The following SNX24 variants were observed in gnomAD, a reference collection of about 807,000 sequenced individuals.
SNX24 encodes the protein sorting nexin 24, also known as sorting nexin-24.
Under a neutral mutation model 28.7 loss-of-function variants are expected in SNX24, and 22 were observed. The observed-to-expected ratio is 0.77, with a 90% confidence interval of 0.55 to 1.10. SNX24 has a LOEUF of 1.10. SNX24 is among the 50% of genes least tolerant of loss of function. The pLI is 0.00. For missense variants in SNX24, 221 were observed against 201.1 expected, an observed-to-expected ratio of 1.10 and a Z score of -0.60; for synonymous variants, 69 against 71.5, an observed-to-expected ratio of 0.96 and a Z score of 0.18.
At position 123,023,741 on chromosome 5, in the gene SNX24, C is replaced by G. The variant is rs1436758212; in HGVS notation, n.384-5497C>G. Reference sequence around the variant, plus strand: ...TGACGGTTTGATTTTTATAACTTTCCTGTGATCTGGGATAGAATACAAAAA... The same window carrying G: ...TGACGGTTTGATTTTTATAACTTTCGTGTGATCTGGGATAGAATACAAAAA... On this transcript the variant is annotated intron_variant and non_coding_transcript_variant, in intron 5 of 5. Transcript: ENST00000502387. 5 of 1,298,720 alleles carry G rather than the reference C, an allele frequency of 3.8e-6. No homozygotes were observed. In the Admixed American group the frequency reaches 1.5e-4, roughly 39 times the overall value. The allele number at this position is 1,298,720 out of a possible 1,614,324, so 80.4% of individuals were successfully genotyped here.
chr5:123,004,604 T>C (rs1046277335), intron 6 of SNX24, among the ~76,000 whole-genome samples: 2 of 152,156 alleles, frequency 1.3e-5, no homozygotes, highest in Admixed American at 6.5e-5. Flanking sequence ...CCATCTCAAC[T>C]CTGTCCTGGG....
At chr5:122,889,717 A>G (rs1018764708) in intron 1 of SNX24, among the ~76,000 whole-genome samples, 1 of 90,408 alleles carries the variant, frequency 1.1e-5, no homozygotes, top group African/African-American at 5.4e-5. Flanking sequence ...ATGTATATAT[A>G]TATGTATGTG....
chr5:122,855,747 C>T (rs893126806), intron 1 of SNX24, among the ~76,000 whole-genome samples: 1 of 152,188 alleles, frequency 6.6e-6, no homozygotes, highest in Admixed American at 6.5e-5. Flanking sequence ...TAGATTCCAT[C>T]TCAAGAAACC....
intron 6 of SNX24, among the ~76,000 whole-genome samples, chr5:123,004,818 A>G (rs1762367748): frequency 6.6e-6 from 1 of 152,150 alleles, no homozygotes; most frequent in South Asian, 2.1e-4. Context: ...CTCACATTGA[A>G]TGCCACGGCT....
At chr5:122,983,851 A>C (rs1561694602) in intron 3 of SNX24, among the ~76,000 whole-genome samples, 1 of 152,138 alleles carries the variant, frequency 6.6e-6, no homozygotes, top group Non-Finnish European at 1.5e-5. Flanking sequence ...CTATGACTGT[A>C]TTGCTTCTAT....
chr5:122,964,062 G>T (rs771583211), intron 3 of SNX24, among the ~76,000 whole-genome samples: 1 of 151,690 alleles, frequency 6.6e-6, no homozygotes, highest in African/African-American at 2.4e-5. Flanking sequence ...CCAACGTGGC[G>T]AAACCCCGTC....
intron 1 of SNX24, among the ~76,000 whole-genome samples, chr5:122,889,338 A>T (rs1385494423): frequency 1.3e-5 from 2 of 151,960 alleles, no homozygotes; most frequent in African/African-American, 2.4e-5. Flanking sequence ...ACACTCATCT[A>T]TCTATCTGTA....
intron 3 of SNX24, among the ~76,000 whole-genome samples, chr5:122,976,977 A>AT (rs559237474): frequency 4.6e-4 from 68 of 149,132 alleles, no homozygotes; most frequent in Middle Eastern, 7.0e-3. Flanking sequence ...CAAAATTTGG[A>AT]TTTTTTTTTT....
At position 122,886,741 on chromosome 5, in the gene SNX24, A is replaced by G. The variant is rs376583437; in HGVS notation, c.60+41048A>G. Among the ~76,000 whole-genome samples the G allele has an allele frequency of 1.1e-4, 16 of 152,096 alleles. 2 individuals carry two copies. The highest frequency in any genetic ancestry group is 3.9e-4 in the East Asian group (2 of 5,170). ...GCTACTCAGGAGGCTGAGGCAGGAG[A>G]ATTGCTTGAACCCGGGAGGCGGAGG... On this transcript the variant is annotated intron_variant, in intron 1 of 6. Transcript: ENST00000261369.
At chr5:123,016,565 C>A (rs1762682250) in intron 5 of SNX24, among the ~76,000 whole-genome samples, 1 of 152,136 alleles carries the variant, frequency 6.6e-6, no homozygotes, top group Non-Finnish European at 1.5e-5. Context: ...GTGGACTGGA[C>A]AGGCTCAGGA....
intron 1 of SNX24, among the ~76,000 whole-genome samples, chr5:122,856,871 C>T (rs1755217483): frequency 6.6e-6 from 1 of 152,140 alleles, no homozygotes; most frequent in South Asian, 2.1e-4. Context: ...TCCGTGACTC[C>T]AAAGTCTTCC....
chr5:122,898,444 G>A (rs913875274), intron 1 of SNX24, among the ~76,000 whole-genome samples: 2 of 152,170 alleles, frequency 1.3e-5, no homozygotes, highest in Non-Finnish European at 1.5e-5. Context: ...CCAGATCTGA[G>A]GCCCTGCAGG....
At chr5:122,876,308 T>C (rs543155997) in intron 1 of SNX24, among the ~76,000 whole-genome samples, 1 of 152,372 alleles carries the variant, frequency 6.6e-6, no homozygotes, top group South Asian at 2.1e-4. Flanking sequence ...TTCATTTTCA[T>C]TGGCCATTAA....
At chr5:122,942,748 A>G (rs962663814) in intron 2 of SNX24, among the ~76,000 whole-genome samples, 12 of 152,156 alleles carry the variant, frequency 7.9e-5, no homozygotes, top group African/African-American at 2.4e-4. Flanking sequence ...TCATCGGATG[A>G]AGTGACAGAG....
rs1761753802 is a variant in SNX24, at chr5:122,989,761, T to C, written c.250-10151T>C. On this transcript the variant is annotated intron_variant, in intron 3 of 6. Transcript: ENST00000261369. ...AAAAGGGTATATTCATTCTTGTGTA[T>C]AGGTCCCTGAACAAATGTCTGTAAT... Among the ~76,000 whole-genome samples, 4 of 152,238 alleles carry C rather than the reference T, an allele frequency of 2.6e-5. No homozygotes were observed. In the South Asian group the frequency reaches 8.3e-4, roughly 31 times the overall value.
At chr5:122,935,034 G>C (rs1247649137) in intron 1 of SNX24, among the ~76,000 whole-genome samples, 3 of 152,168 alleles carry the variant, frequency 2.0e-5, no homozygotes, top group African/African-American at 7.2e-5. Context: ...GTAGAGCCTT[G>C]CCGAGTTTTC....
intron 3 of SNX24, among the ~76,000 whole-genome samples, chr5:122,970,149 C>T (rs1409615939): frequency 1.3e-5 from 2 of 149,636 alleles, no homozygotes; most frequent in African/African-American, 4.9e-5. Context: ...TGCTCTGGGT[C>T]CTCTGGCTTA....
chr5:122,966,335 G>A (rs40464), intron 3 of SNX24, among the ~76,000 whole-genome samples: 108,790 of 152,210 alleles, frequency 0.71, 39,582 homozygotes, highest in East Asian at 0.99. Context: ...TTGATACATA[G>A]GTATACATGT....
At chr5:123,024,155 G>GT in intron 5 of SNX24, 2 of 258,418 alleles carry the variant, frequency 7.7e-6, no homozygotes, top group Non-Finnish European at 6.4e-6. Flanking sequence ...CGTTTTTTAT[G>GT]CACGCTAACT....
Sources: gnomAD v4.1 joint callset for allele counts (sites outside exome capture counted in the v4.1 genomes callset) on GRCh38, gnomAD v4.1.1 for gene constraint, MANE v1.5 for transcripts, NCBI Gene and HGNC (gene_info 2026-07-23, HGNC 2026-07-21) for gene names.